MAPK6: variants seen among roughly 807,000 people sequenced by gnomAD.
The protein encoded by MAPK6 is ERK-3.
MAPK6 carries 19 observed loss-of-function variants against 59.3 expected under a neutral mutation model. The ratio of observed to expected loss-of-function variants is 0.32; its 90% CI spans 0.22 to 0.47. The LOEUF is 0.47. MAPK6 is among the 20% of genes least tolerant of loss of function. The probability of loss-of-function intolerance (pLI) is 1.00; values close to 1 mark genes in which losing one functional copy is unlikely to be tolerated. For synonymous variants in MAPK6, 316 were observed against 290.3 expected (o/e 1.09, Z -0.90); for missense variants, 724 against 847.9 (o/e 0.85, Z 1.81).
chr15:51,972,620 G>A (rs1169422259), intron 1 of MAPK6, among the ~76,000 whole-genome samples: 2 of 124,934 alleles, frequency 1.6e-5, no homozygotes, highest in East Asian at 2.2e-4. Flanking sequence ...TCAGGAGATC[G>A]AGACCATCCT....
intron 2 of MAPK6, among the ~76,000 whole-genome samples, chr15:51,983,988 T>TAAA (rs552159125): frequency 2.0e-4 from 29 of 143,294 alleles, no homozygotes; most frequent in Middle Eastern, 3.5e-3. Context: ...ACTGTCTCAT[T>TAAA]AAAAAAAAAA....
At chr15:52,057,667 C>T (rs2032035116) in intron 3 of MAPK6, among the ~76,000 whole-genome samples, 1 of 152,186 alleles carries the variant, frequency 6.6e-6, no homozygotes, top group Non-Finnish European at 1.5e-5. Flanking sequence ...GCTTCAGCCT[C>T]CCAAGTAGCT....
intron 1 of MAPK6, among the ~76,000 whole-genome samples, chr15:52,045,419 A>G (rs753023501): frequency 6.6e-6 from 1 of 152,254 alleles, no homozygotes; most frequent in Non-Finnish European, 1.5e-5. Context: ...GGCATAGTTA[A>G]TAAGTAAACA....
intron 1 of MAPK6, among the ~76,000 whole-genome samples, chr15:52,032,989 T>C (rs1334446976): frequency 6.6e-6 from 1 of 151,966 alleles, no homozygotes; most frequent in Non-Finnish European, 1.5e-5. Context: ...CCGGCCTCCT[T>C]TTTTTTAATG....
intron 2 of MAPK6, among the ~76,000 whole-genome samples, chr15:51,996,604 C>T (rs1317760632): frequency 1.3e-5 from 2 of 151,864 alleles, no homozygotes; most frequent in African/African-American, 2.4e-5. Context: ...CCATATTGGC[C>T]AGGATAGTCT....
At chr15:52,042,109 T>G (rs575115291) in intron 1 of MAPK6, among the ~76,000 whole-genome samples, 1 of 152,324 alleles carries the variant, frequency 6.6e-6, no homozygotes, top group South Asian at 2.1e-4. Context: ...TACTCGCAGC[T>G]TACTAATTAA....
At chr15:52,052,569 C>T (rs1788239600) in intron 3 of MAPK6, among the ~76,000 whole-genome samples, 1 of 134,358 alleles carries the variant, frequency 7.4e-6, no homozygotes, top group South Asian at 2.3e-4. Context: ...TTCTCATTTC[C>T]TCTTTCCCCC....
At chr15:52,022,010 G>A (rs1038683404) in intron 1 of MAPK6, among the ~76,000 whole-genome samples, 15 of 152,182 alleles carry the variant, frequency 9.9e-5, no homozygotes, top group Non-Finnish European at 1.6e-4. Context: ...TTGAGAGGGG[G>A]AAAAAGATTG....
chr15:52,037,521 G>C (rs920259241), intron 1 of MAPK6, among the ~76,000 whole-genome samples: 11 of 152,148 alleles, frequency 7.2e-5, no homozygotes, highest in African/African-American at 2.2e-4. Context: ...GATTATATAG[G>C]ATGCTATTTC....
At chr15:52,023,718 T>A (rs1595978434) in intron 1 of MAPK6, among the ~76,000 whole-genome samples, 1 of 152,376 alleles carries the variant, frequency 6.6e-6, no homozygotes, top group South Asian at 2.1e-4. Flanking sequence ...TTCAAGCGAT[T>A]CTTCAGCTTC....
At chr15:52,009,008 A>G (rs1460286949) in intron 3 of MAPK6, among the ~76,000 whole-genome samples, 4 of 152,348 alleles carry the variant, frequency 2.6e-5, no homozygotes, top group Middle Eastern at 3.4e-3. Context: ...TAAGCCTACC[A>G]TATGATATAC....
At chr15:52,053,627 GTTGATTGATTGATTGA>G (rs1175221374) in intron 3 of MAPK6, among the ~76,000 whole-genome samples, 1 of 6,780 alleles carries the variant, frequency 1.5e-4, no homozygotes, top group Admixed American at 8.8e-4. Context: ...TGATTGATTG[GTTGATTGATTGATTGA>G]TTGATTGATT....
intron 1 of MAPK6, among the ~76,000 whole-genome samples, chr15:51,975,541 A>C (rs1260723608): frequency 6.6e-6 from 1 of 151,794 alleles, no homozygotes; most frequent in Non-Finnish European, 1.5e-5. Flanking sequence ...CTCCGTCTAA[A>C]AAAAAAAAGT....
chr15:52,028,084 C>T (rs1193655757), intron 1 of MAPK6, among the ~76,000 whole-genome samples: 2 of 148,394 alleles, frequency 1.3e-5, no homozygotes, highest in East Asian at 4.0e-4. Flanking sequence ...TTCCGAGTAG[C>T]TGGGACTACA....
At chr15:52,037,945 A>C (rs1470648168) in intron 1 of MAPK6, among the ~76,000 whole-genome samples, 1 of 152,228 alleles carries the variant, frequency 6.6e-6, no homozygotes, top group African/African-American at 2.4e-5. Flanking sequence ...ACAAAGCCAC[A>C]GAAAAAAGGA....
chr15:52,056,141 A>G (rs1378050726), intron 3 of MAPK6, among the ~76,000 whole-genome samples: 3 of 152,196 alleles, frequency 2.0e-5, no homozygotes, highest in African/African-American at 4.8e-5. Flanking sequence ...GTGTGTTTTT[A>G]GCCTGTGTGT....
chr15:51,986,285 T>C (rs1034981442), intron 2 of MAPK6, among the ~76,000 whole-genome samples: 4 of 152,102 alleles, frequency 2.6e-5, no homozygotes, highest in Non-Finnish European at 5.9e-5. Context: ...CCCGCCAACA[T>C]TGGGGATTAC....
rs779470068 is a variant in MAPK6 at position 52,064,020 on chromosome 15, G to A, written c.1186G>A (p.Val396Ile). ...TGTCACTGATGAAGAAGAAGTACAA[G>A]TTGATCCCCGAAAATATTTGGATGG... is the stretch of plus-strand genomic sequence containing the variant. ...SDVTDEEEVQ[V>I]DPRKYLDGDR... The change falls in exon 6 of 6, where the codon GTT (valine) becomes ATT (isoleucine). Residue 396 changes from valine (V) to isoleucine (I), a missense_variant. Around this residue, in one of 4 missense-constraint regions of MAPK6, gnomAD observed 502 missense variants for 507.6 expected, o/e 0.99. Transcript: ENST00000261845. 17 of 1,613,688 alleles carry A rather than the reference G, an allele frequency of 1.1e-5. No individual in the cohort carries two copies. In the South Asian group the frequency reaches 1.8e-4, roughly 17 times the overall value.
chr15:52,055,641 G>A (rs865780727), intron 3 of MAPK6, among the ~76,000 whole-genome samples: 7 of 151,986 alleles, frequency 4.6e-5, no homozygotes, highest in Middle Eastern at 3.2e-3. Context: ...TCAGCCTCCC[G>A]AGTAGCTGGG....
Sources: gnomAD v4.1 joint callset for allele counts (sites outside exome capture counted in the v4.1 genomes callset) on GRCh38, gnomAD v4.1.1 for gene constraint, gnomAD v4.1.1 regional missense constraint, MANE v1.5 for transcripts, NCBI Gene and HGNC (gene_info 2026-07-23, HGNC 2026-07-21) for gene names.